NCAM2: variants seen among roughly 807,000 people sequenced by gnomAD.
The protein encoded by NCAM2 is neural cell adhesion molecule 2, also known as N-CAM-2.
NCAM2 carries 30 observed loss-of-function variants against 98.1 expected under a neutral mutation model. That is an observed-to-expected ratio of 0.31 (90% CI 0.23 to 0.41). The LOEUF is 0.41. NCAM2 is among the 10% of genes least tolerant of loss of function. The probability of loss-of-function intolerance (pLI) is 1.00; values close to 1 mark genes in which losing one functional copy is unlikely to be tolerated. For synonymous variants in NCAM2, 368 were observed against 342.4 expected, an observed-to-expected ratio of 1.07 and a Z score of -0.83; for missense variants, 867 against 1,005.8, an observed-to-expected ratio of 0.86 and a Z score of 1.87.
chr21:21,081,862 AAAAC>A (rs35279672), intron 1 of NCAM2, among the ~76,000 whole-genome samples: 51,861 of 151,718 alleles, frequency 0.34, 10,647 homozygotes, highest in African/African-American at 0.58. Context: ...TCAGAGCTAA[AAAAC>A]AAACAAACAC....
chr21:21,123,358 C>T (rs2066716744), intron 1 of NCAM2, among the ~76,000 whole-genome samples: 1 of 150,796 alleles, frequency 6.6e-6, no homozygotes, highest in African/African-American at 2.4e-5. Flanking sequence ...GATCGCGCCA[C>T]TGCACTCTAG....
At chr21:21,159,338 T>C (rs1184154322) in intron 1 of NCAM2, among the ~76,000 whole-genome samples, 1 of 152,154 alleles carries the variant, frequency 6.6e-6, no homozygotes, top group Non-Finnish European at 1.5e-5. Flanking sequence ...AAGTTTACCA[T>C]GTTTATAAAG....
chr21:21,049,059 T>G (rs546307429), intron 1 of NCAM2, among the ~76,000 whole-genome samples: 1 of 142,054 alleles, frequency 7.0e-6, no homozygotes. Flanking sequence ...TCGCCCAGGC[T>G]GGACTGCGGA....
intron 5 of NCAM2, among the ~76,000 whole-genome samples, chr21:21,311,667 GTCT>G (rs971186078): frequency 4.6e-5 from 7 of 152,020 alleles, no homozygotes; most frequent in African/African-American, 1.4e-4. Flanking sequence ...ATTTACTAAA[GTCT>G]TCTTTTGTTT....
chr21:21,102,825 C>T (rs2066273017), intron 1 of NCAM2, among the ~76,000 whole-genome samples: 1 of 151,966 alleles, frequency 6.6e-6, no homozygotes, highest in Non-Finnish European at 1.5e-5. Context: ...AAGACAGGCA[C>T]CATTCTCTGT....
intron 1 of NCAM2, among the ~76,000 whole-genome samples, chr21:21,027,241 TATTA>T (rs1400328259): frequency 3.9e-5 from 6 of 152,222 alleles, no homozygotes; most frequent in African/African-American, 1.4e-4. Context: ...CTATCTGGGG[TATTA>T]ATTTATTTAT....
chr21:21,534,697 TG>T (rs1332546855), intron 17 of NCAM2, 41 bp downstream of exon 17: 1 of 1,468,676 alleles, frequency 6.8e-7, no homozygotes, highest in Admixed American at 2.4e-5. Flanking sequence ...AAATGGGTAT[TG>T]GCAAAATGAT....
chr21:21,154,163 T>A (rs549307752), intron 1 of NCAM2, among the ~76,000 whole-genome samples: 1 of 151,886 alleles, frequency 6.6e-6, no homozygotes, highest in South Asian at 2.1e-4. Flanking sequence ...TTAGATAACA[T>A]CATAAAGAAA....
At chr21:21,304,271 T>C (rs2073815051) in intron 5 of NCAM2, among the ~76,000 whole-genome samples, 7 of 152,022 alleles carry the variant, frequency 4.6e-5, no homozygotes, top group Admixed American at 4.6e-4. Context: ...GATAATTTTT[T>C]CTTAATTTCT....
chr21:21,509,076 T>C, intron 16 of NCAM2, 21 bp downstream of exon 16: 1 of 1,611,854 alleles, frequency 6.2e-7, no homozygotes. Context: ...GGCATCTACA[T>C]CATGTCATAT....
At chr21:21,153,430 A>G (rs762658849) in intron 1 of NCAM2, among the ~76,000 whole-genome samples, 10 of 151,968 alleles carry the variant, frequency 6.6e-5, no homozygotes, top group Middle Eastern at 3.4e-3. Context: ...CCTTGTATAT[A>G]TGCATAACTG....
chr21:21,337,369 C>T (rs551920226), intron 7 of NCAM2, among the ~76,000 whole-genome samples: 1 of 152,066 alleles, frequency 6.6e-6, no homozygotes, highest in South Asian at 2.1e-4. Flanking sequence ...TTTGTTGCTC[C>T]TGACACAAAA....
chr21:21,536,855 C>A (rs1005796910), intron 17 of NCAM2, among the ~76,000 whole-genome samples: 1 of 152,038 alleles, frequency 6.6e-6, no homozygotes, highest in Admixed American at 6.6e-5. Flanking sequence ...GGGTTTATGA[C>A]GCTGTCTTGA....
chr21:21,012,055 A>G (rs1894999899), intron 1 of NCAM2, among the ~76,000 whole-genome samples: 1 of 152,160 alleles, frequency 6.6e-6, no homozygotes, highest in Admixed American at 6.5e-5. Flanking sequence ...ATTATGGCAA[A>G]TAGTATGGAG....
intron 3 of NCAM2, among the ~76,000 whole-genome samples, 196 bp from the exon 4 acceptor site, chr21:21,286,073 C>A (rs779973986): frequency 6.6e-6 from 1 of 151,816 alleles, no homozygotes; most frequent in Non-Finnish European, 1.5e-5. Context: ...ATTGAAAGAT[C>A]TTTGGATTTT....
rs1391807780 is a variant in NCAM2, at chr21:21,540,002, G to A, written c.*2045G>A. The A allele has an allele frequency of 6.6e-6, 1 of 152,104 alleles. No homozygotes were observed. The highest frequency in any genetic ancestry group is 2.4e-5 in the African/African-American group (1 of 41,438). 9.4% of individuals were successfully genotyped at this position (152,104 alleles called of 1,614,324 possible). ...GTGCAAAGTGTACAAGCTTAGTAAA[G>A]TGTCCATGAAGCAATAGCCATGAAT... On this transcript the variant is annotated 3_prime_UTR_variant, in exon 18 of 18. Coordinates refer to ENST00000400546, the MANE Select transcript of NCAM2 (RefSeq NM_004540.5).
chr21:21,483,384 C>T (rs1361915211), intron 15 of NCAM2, among the ~76,000 whole-genome samples: 1 of 151,718 alleles, frequency 6.6e-6, no homozygotes, highest in Non-Finnish European at 1.5e-5. Flanking sequence ...TAATATAAAT[C>T]ACCACAAAAA....
chr21:21,457,450 G>A (rs1249560015), intron 12 of NCAM2, among the ~76,000 whole-genome samples: 1 of 152,080 alleles, frequency 6.6e-6, no homozygotes, highest in East Asian at 1.9e-4. Context: ...GACCAGCCTG[G>A]CCAATATGGT....
intron 1 of NCAM2, among the ~76,000 whole-genome samples, chr21:21,256,665 G>A (rs1232782524): frequency 1.3e-5 from 2 of 152,104 alleles, no homozygotes; most frequent in Non-Finnish European, 2.9e-5. Flanking sequence ...ACTGAGATCA[G>A]GGACTTACAT....
Sources: allele counts gnomAD v4.1 joint callset (sites outside exome capture counted in the v4.1 genomes callset), GRCh38; gene constraint gnomAD v4.1.1; transcripts MANE v1.5; gene names NCBI Gene and HGNC (gene_info 2026-07-23, HGNC 2026-07-21).